VANGL1: variants seen among roughly 807,000 people sequenced by gnomAD.
VANGL1 encodes the protein vang-like protein 1.
Under a neutral mutation model 48.4 loss-of-function variants are expected in VANGL1, and 18 were observed. The ratio of observed to expected loss-of-function variants is 0.37; its 90% CI spans 0.26 to 0.55. The LOEUF (loss-of-function observed/expected upper bound fraction) is 0.55. VANGL1 is among the 20% of genes least tolerant of loss of function. The pLI is 0.81. For missense variants in VANGL1, 667 were observed against 675.8 expected (o/e 0.99, Z 0.14); for synonymous variants, 257 against 261.8 (o/e 0.98, Z 0.18).
intron 2 of VANGL1, among the ~76,000 whole-genome samples, chr1:115,655,193 C>T (rs899993584): frequency 6.6e-6 from 1 of 152,058 alleles, no homozygotes; most frequent in Non-Finnish European, 1.5e-5. Flanking sequence ...AAGGACGGGT[C>T]GTGGGTTGTG....
In VANGL1 at chr1:115,682,351, C is replaced by CT. The variant is rs759769619; in HGVS notation, c.813-6dup. 1.9e-6 allele frequency: 3 copies of CT among 1,613,708 alleles called. No homozygotes were observed. In the African/African-American group the frequency reaches 4.0e-5, roughly 22 times the overall value. ...GAAAAAGCTTTGCATTAATTTTGTT[C>CT]TTTTTTTCTCAGTATCCAGCGAGCA... On this transcript the variant is annotated splice_polypyrimidine_tract_variant and intron_variant, in intron 4 of 7. Coordinates refer to ENST00000355485, the MANE Select transcript of VANGL1 (RefSeq NM_138959.3).
intron 2 of VANGL1, among the ~76,000 whole-genome samples, chr1:115,652,381 G>A (rs2101308343): frequency 6.6e-6 from 1 of 152,322 alleles, no homozygotes; most frequent in South Asian, 2.1e-4. Context: ...TGAACAGATA[G>A]GTGGCACTGT....
At chr1:115,649,292 C>T (rs1652048696) in intron 1 of VANGL1, among the ~76,000 whole-genome samples, 1 of 152,100 alleles carries the variant, frequency 6.6e-6, no homozygotes, top group Non-Finnish European at 1.5e-5. Context: ...CAGCTACCTC[C>T]CCCCACAAAC....
At position 115,663,732 on chromosome 1, in the gene VANGL1, T is replaced by G. The variant is rs1369599062; in HGVS notation, c.276T>G (p.Ile92Met). The G allele has an allele frequency of 5.0e-6, 8 of 1,614,058 alleles. No individual in the cohort carries two copies. Among genetic ancestry groups the G allele is most frequent in the African/African-American group, 1.3e-5 (1 of 74,918 alleles). The change falls in exon 4 of 8, where the codon ATT becomes ATG. Residue 92 changes from isoleucine to methionine, a missense_variant. Coordinates refer to ENST00000355485, the MANE Select transcript of VANGL1 (RefSeq NM_138959.3). ...AGCACAGCATATCCCAAGAGGACAT[T>G]GCCAGGATCAGCAAGGACATGGAGG... is the stretch of plus-strand genomic sequence containing the variant. ...TSEHSISQED[I>M]ARISKDMEDS...
chr1:115,685,486 C>T lies in VANGL1; in HGVS notation c.1273C>T (p.Gln425Ter). The change falls in exon 7 of 8, where the codon CAG becomes TAG. Residue 425 changes from glutamine to a stop codon, truncating the protein, a stop_gained. Transcript: ENST00000355485. LOFTEE classifies it high-confidence loss of function. ...CTACCACAGCATGGAGAGCATCCTG[C>T]AGCACCTGGCCTTCTGCATCACCAA... is the stretch of plus-strand genomic sequence containing the variant. ...QNYHSMESIL[Q>*]HLAFCITNGM... is the part of the protein sequence containing the mutation. 6.2e-7 allele frequency: 1 copy of T among 1,614,164 alleles called. No individual in the cohort carries two copies. Among genetic ancestry groups the T allele is most frequent in the Non-Finnish European group, 8.5e-7 (1 of 1,180,032 alleles).
intron 4 of VANGL1, among the ~76,000 whole-genome samples, chr1:115,672,157 T>C (rs1652998209): frequency 6.6e-6 from 1 of 152,188 alleles, no homozygotes. Flanking sequence ...GGAGAAGTGC[T>C]CTGGGTGTCC....
In VANGL1 at chr1:115,694,117, TA is replaced by T. The variant is rs1653948390; in HGVS notation, c.*2743del. On this transcript the variant is annotated 3_prime_UTR_variant, in exon 8 of 8. Coordinates refer to ENST00000355485, the MANE Select transcript of VANGL1 (RefSeq NM_138959.3). ...TTTTTATAGTCCATGAACTGAATGT[TA>T]AAAAGTTCTGTATGCATTCTCAGAG... 1 of 152,238 alleles carries T rather than the reference TA, an allele frequency of 6.6e-6. No individual in the cohort carries two copies. Among genetic ancestry groups the T allele is most frequent in the South Asian group, 2.1e-4 (1 of 4,834 alleles). 9.4% of individuals were successfully genotyped at this position (152,238 alleles called of 1,614,324 possible).
At chr1:115,678,411 C>T (rs1653248509) in intron 4 of VANGL1, among the ~76,000 whole-genome samples, 1 of 152,130 alleles carries the variant, frequency 6.6e-6, no homozygotes, top group Admixed American at 6.5e-5. Flanking sequence ...GAGGCCATGG[C>T]ATAGTAATTA....
Position 115,663,878 on chromosome 1 carries a change from A to T in VANGL1, c.422A>T (p.Glu141Val). 1 of 1,614,166 alleles carries T rather than the reference A, an allele frequency of 6.2e-7. No individual in the cohort carries two copies. Among genetic ancestry groups the T allele is most frequent in the East Asian group, 2.2e-5 (1 of 44,876 alleles). ...ILLPPILWRD[E>V]LEPCGTICEG... is the part of the protein sequence containing the mutation. ...TTACCTCCGATCCTGTGGAGGGATGAGCTGGAGCCTTGTGGCACAATTTGT... is the reference window on the plus strand; with the variant it reads ...TTACCTCCGATCCTGTGGAGGGATGTGCTGGAGCCTTGTGGCACAATTTGT... Residue 141 changes from glutamate (E) to valine (V), a missense_variant, in exon 4 of 8, where the codon GAG (glutamate) becomes GTG (valine). By Grantham distance (121) the Glu-to-Val change is moderately radical. Transcript: ENST00000355485.
At chr1:115,658,813 T>C (rs544626235) in intron 2 of VANGL1, among the ~76,000 whole-genome samples, 6 of 152,150 alleles carry the variant, frequency 3.9e-5, no homozygotes, top group Non-Finnish European at 7.4e-5. Flanking sequence ...ATTGGTTCAT[T>C]TTGGAATTTC....
intron 7 of VANGL1, among the ~76,000 whole-genome samples, chr1:115,686,092 T>C (rs932613081): frequency 6.6e-6 from 1 of 152,126 alleles, no homozygotes; most frequent in African/African-American, 2.4e-5. Context: ...GCGATTTACA[T>C]GCCTTGTTGC....
In VANGL1 at chr1:115,691,241, T is replaced by A. The variant is rs1653820618; in HGVS notation, c.1437T>A (p.Ile479=). The change falls in exon 8 of 8, where the codon ATT becomes ATA. Residue 479 remains isoleucine, a synonymous_variant. Coordinates refer to ENST00000355485, the MANE Select transcript of VANGL1 (RefSeq NM_138959.3). ...TGACTAATGGATTACGGGATGGAAT[T>A]GTGTTCGTCCTTAAGTGCTTGGACT... ...EAVTNGLRDG[I]VFVLKCLDFS... is the part of the protein sequence containing the mutation. 2 of 1,614,040 alleles carry A rather than the reference T, an allele frequency of 1.2e-6. No homozygotes were observed. The highest frequency in any genetic ancestry group is 2.7e-5 in the African/African-American group (2 of 74,914).
In VANGL1 at chr1:115,675,139, G is replaced by A. The variant is rs557283010; in HGVS notation, c.813-7225G>A. On this transcript the variant is annotated intron_variant, in intron 4 of 7. Transcript: ENST00000355485. ...GAACCAGTGGTAGAACTGAAAGGTCGTTTCAGTGTGAAAGTGAACTTTCTT... is the reference window on the plus strand; with the variant it reads ...GAACCAGTGGTAGAACTGAAAGGTCATTTCAGTGTGAAAGTGAACTTTCTT... Among the ~76,000 whole-genome samples the A allele has an allele frequency of 2.7e-3, 412 of 152,296 alleles. 1 individual carries two copies. The highest frequency in any genetic ancestry group is 9.5e-3 in the African/African-American group (396 of 41,552).
In VANGL1 at chr1:115,692,138, G is replaced by A; in HGVS notation, c.*759G>A. 1 of 153,232 alleles carries A rather than the reference G, an allele frequency of 6.5e-6. No individual in the cohort carries two copies. Among genetic ancestry groups the A allele is most frequent in the Non-Finnish European group, 1.5e-5 (1 of 68,604 alleles). The allele number at this position is 153,232 out of a possible 1,614,324, so 9.5% of individuals were successfully genotyped here. On this transcript the variant is annotated 3_prime_UTR_variant, in exon 8 of 8. Coordinates refer to ENST00000355485, the MANE Select transcript of VANGL1 (RefSeq NM_138959.3). The stretch of plus-strand genomic sequence containing the variant: ...CCTGGCTCTCCATGTGTGCCCTCCG[G>A]CTCTGTGTGAAGCCTCAAGTCAGTC...
At chr1:115,671,930 T>G (rs1204745633) in intron 4 of VANGL1, among the ~76,000 whole-genome samples, 1 of 152,220 alleles carries the variant, frequency 6.6e-6, no homozygotes, top group East Asian at 1.9e-4. Flanking sequence ...AGTGTGTCTC[T>G]GCACTCAGAA....
intron 2 of VANGL1, among the ~76,000 whole-genome samples, chr1:115,652,743 A>G (rs1367907533): frequency 6.6e-6 from 1 of 152,216 alleles, no homozygotes; most frequent in Non-Finnish European, 1.5e-5. Context: ...GTAAAACAGC[A>G]GTGAGCTACA....
chr1:115,683,025 A>G (rs546029325), intron 5 of VANGL1, among the ~76,000 whole-genome samples: 23 of 152,182 alleles, frequency 1.5e-4, no homozygotes, highest in Non-Finnish European at 2.4e-4. Context: ...ATGCGGTGTC[A>G]TTTCTTCCTG....
chr1:115,648,006 G>A (rs1652002071), intron 1 of VANGL1, among the ~76,000 whole-genome samples: 1 of 152,180 alleles, frequency 6.6e-6, no homozygotes, highest in Non-Finnish European at 1.5e-5. Context: ...GGAAATCTGT[G>A]GATGGAGAAG....
chr1:115,654,486 A>G (rs1359292374), intron 2 of VANGL1, among the ~76,000 whole-genome samples: 3 of 131,042 alleles, frequency 2.3e-5, no homozygotes, highest in African/African-American at 3.4e-5. Context: ...TTGACAAGGG[A>G]ATTGGTAGGG....
Sources: gnomAD v4.1 joint callset for allele counts (sites outside exome capture counted in the v4.1 genomes callset) on GRCh38, gnomAD v4.1.1 for gene constraint, MANE v1.5 for transcripts, NCBI Gene and HGNC (gene_info 2026-07-23, HGNC 2026-07-21) for gene names.